Variants in STMN4 observed in about 807,000 individuals in gnomAD.
The protein encoded by STMN4 is stathmin 4.
STMN4 carries 12 observed loss-of-function variants against 29.1 expected under a neutral mutation model. The ratio of observed to expected loss-of-function variants is 0.41; its 90% CI spans 0.26 to 0.67. The LOEUF is 0.67. Among genes scored for constraint, STMN4 ranks in the 30% least tolerant of loss-of-function variants. STMN4 has a pLI of 0.30. For missense variants in STMN4, 181 were observed against 262.8 expected, an observed-to-expected ratio of 0.69 and a Z score of 2.15; for synonymous variants, 114 against 105.3, an observed-to-expected ratio of 1.08 and a Z score of -0.51.
At position 27,241,142 on chromosome 8, in the gene STMN4, G is replaced by T. The variant is rs1487373555; in HGVS notation, c.311C>A (p.Pro104His). The T allele has an allele frequency of 6.2e-7, 1 of 1,614,108 alleles. No individual in the cohort carries two copies. The highest frequency in any genetic ancestry group is 8.5e-7 in the Non-Finnish European group (1 of 1,180,050). ...CCTTGGCAGGGAGGCGTTGAACTCGGGAACCCCATCAAAGGAGGGTGGCTT... is the reference window on the plus strand; with the variant it reads ...CCTTGGCAGGGAGGCGTTGAACTCGTGAACCCCATCAAAGGAGGGTGGCTT... ...ILKPPSFDGV[P>H]EFNASLPRRR... The change falls in exon 5 of 7, where the codon CCC becomes CAC. Residue 104 changes from proline (P) to histidine (H), a missense_variant. Transcript: ENST00000350889.
chr8:27,256,357 G>A (rs758623240), intron 1 of STMN4, among the ~76,000 whole-genome samples: 21 of 151,854 alleles, frequency 1.4e-4, no homozygotes, highest in Non-Finnish European at 2.4e-4. Context: ...TATGTTATGT[G>A]TATTTACCGC....
chr8:27,245,130 TC>T (rs1801589716), intron 1 of STMN4, among the ~76,000 whole-genome samples: 1 of 152,212 alleles, frequency 6.6e-6, no homozygotes, highest in Non-Finnish European at 1.5e-5. Flanking sequence ...TTACCAGCTC[TC>T]GCTAGTCTCT....
rs201842097 is a variant in STMN4 at position 27,243,767 on chromosome 8, T to C, written c.-44A>G. The C allele has an allele frequency of 3.1e-6, 5 of 1,613,994 alleles. No homozygotes were observed. Among genetic ancestry groups the C allele is most frequent in the Non-Finnish European group, 4.2e-6 (5 of 1,179,994 alleles). On this transcript the variant is annotated 5_prime_UTR_variant, in exon 2 of 7. Transcript: ENST00000350889. ...CTGAATCTAGCTGAAAGTTACAGAG[T>C]GGGTCTGTCACCAGCTTGGGACGCT...
At chr8:27,240,191 C>T in intron 5 of STMN4, 29 bp from the exon 6 acceptor site, 1 of 1,603,948 alleles carries the variant, frequency 6.2e-7, no homozygotes, top group African/African-American at 1.3e-5. Context: ...AGAAGGAGGC[C>T]CTTCACAGTG....
At chr8:27,236,928 G>A (rs371461872) in intron 6 of STMN4, 23 bp from the exon 7 acceptor site, 3 of 1,602,560 alleles carry the variant, frequency 1.9e-6, no homozygotes, top group South Asian at 1.1e-5. Context: ...GGAGGGAAAA[G>A]GGCAGGTCAC....
At chr8:27,247,200 A>G (rs1399042076) in intron 1 of STMN4, among the ~76,000 whole-genome samples, 1 of 147,838 alleles carries the variant, frequency 6.8e-6, no homozygotes, top group Non-Finnish European at 1.5e-5. Context: ...GGTTGCAGTG[A>G]GCCGAGATCG....
At chr8:27,237,050 C>A (rs1349048531) in intron 6 of STMN4, 145 bp from the exon 7 acceptor site, 14 of 799,266 alleles carry the variant, frequency 1.8e-5, no homozygotes, top group Non-Finnish European at 2.5e-5. Flanking sequence ...CCGAGAGGGG[C>A]AGAAGGTGGC....
rs190725291 is a variant in STMN4, at chr8:27,237,255, G to T, written c.592-350C>A. Among the ~76,000 whole-genome samples, 436 of 152,308 alleles carry T rather than the reference G, an allele frequency of 2.9e-3. 1 individual carries two copies. Among genetic ancestry groups the T allele is most frequent in the Non-Finnish European group, 4.2e-3 (283 of 68,038 alleles). On this transcript the variant is annotated intron_variant, in intron 6 of 6. Coordinates refer to ENST00000350889, the MANE Select transcript of STMN4 (RefSeq NM_030795.4). ...TTGACTTAATATAAGGAGCTGCTGG[G>T]GGTAATTTGTGCCAGAGGAGCAGGC...
At chr8:27,243,500 C>A (rs1801535164) in intron 2 of STMN4, among the ~76,000 whole-genome samples, 4 of 151,916 alleles carry the variant, frequency 2.6e-5, no homozygotes, top group African/African-American at 4.8e-5. Context: ...ACACCCCCCA[C>A]CACTTGTTCA....
At chr8:27,244,527 T>G (rs1378116971) in intron 1 of STMN4, among the ~76,000 whole-genome samples, 1 of 151,912 alleles carries the variant, frequency 6.6e-6, no homozygotes, top group Non-Finnish European at 1.5e-5. Flanking sequence ...GACACAGAAA[T>G]AGGGCTCCAC....
At chr8:27,238,357 C>G (rs887874135) in intron 6 of STMN4, among the ~76,000 whole-genome samples, 2 of 152,202 alleles carry the variant, frequency 1.3e-5, no homozygotes, top group African/African-American at 4.8e-5. Context: ...CCCAACCTCC[C>G]GCCTCCACCA....
At chr8:27,237,383 C>A (rs529175980) in intron 6 of STMN4, among the ~76,000 whole-genome samples, 4 of 152,176 alleles carry the variant, frequency 2.6e-5, no homozygotes, top group Non-Finnish European at 4.4e-5. Flanking sequence ...CCTTAACCCT[C>A]TTGGTGAAAG....
chr8:27,250,594 C>A (rs1801755099), intron 1 of STMN4, among the ~76,000 whole-genome samples: 1 of 152,146 alleles, frequency 6.6e-6, no homozygotes, highest in African/African-American at 2.4e-5. Context: ...AAGAAGGAAC[C>A]AGCGAGACCT....
At chr8:27,244,652 A>G (rs763826304) in intron 1 of STMN4, among the ~76,000 whole-genome samples, 2 of 151,856 alleles carry the variant, frequency 1.3e-5, no homozygotes, top group Non-Finnish European at 2.9e-5. Flanking sequence ...GCATTGTGCA[A>G]GGGAACATCA....
chr8:27,238,270 G>A (rs1192205246), intron 6 of STMN4, among the ~76,000 whole-genome samples: 6 of 152,146 alleles, frequency 3.9e-5, no homozygotes, highest in Non-Finnish European at 7.3e-5. Flanking sequence ...ACAAACACTG[G>A]CACAGCAGGC....
intron 1 of STMN4, among the ~76,000 whole-genome samples, chr8:27,245,862 AG>A (rs1415610379): frequency 2.6e-5 from 4 of 152,250 alleles, no homozygotes; most frequent in African/African-American, 7.2e-5. Context: ...CCCTGTGCTC[AG>A]GGGGCACTCG....
rs923206634 is a variant in STMN4 at position 27,241,606 on chromosome 8, C to T, written c.190+71G>A. The T allele has an allele frequency of 1.5e-5, 24 of 1,571,136 alleles. No homozygotes were observed. The East Asian group carries it at 4.7e-4, about 31-fold the overall frequency. On this transcript the variant is annotated intron_variant, in intron 4 of 6. Coordinates refer to ENST00000350889, the MANE Select transcript of STMN4 (RefSeq NM_030795.4). ...GGTGACAGGCAGGGGTGCGTTTCAGCCCCCGCCCACCCCCGGCCACAGCCC... is the reference window on the plus strand; with the variant it reads ...GGTGACAGGCAGGGGTGCGTTTCAGTCCCCGCCCACCCCCGGCCACAGCCC...
intron 1 of STMN4, among the ~76,000 whole-genome samples, chr8:27,245,730 G>T (rs1563417222): frequency 6.6e-6 from 1 of 152,356 alleles, no homozygotes; most frequent in South Asian, 2.1e-4. Context: ...ATCAGAAGTG[G>T]AAGCCTGAAT....
chr8:27,248,351 G>C (rs1801688647), intron 1 of STMN4, among the ~76,000 whole-genome samples: 1 of 152,200 alleles, frequency 6.6e-6, no homozygotes, highest in African/African-American at 2.4e-5. Context: ...AGGTTCTGCA[G>C]TGCCTATCAC....
Sources: allele counts gnomAD v4.1 joint callset (sites outside exome capture counted in the v4.1 genomes callset), GRCh38; gene constraint gnomAD v4.1.1; transcripts MANE v1.5; gene names NCBI Gene and HGNC (gene_info 2026-07-23, HGNC 2026-07-21).